The following FOXP2 variants were observed in gnomAD, a reference collection of about 807,000 sequenced individuals.
FOXP2 encodes forkhead box protein P2.
FOXP2 carries 12 observed loss-of-function variants against 115.8 expected under a neutral mutation model. The observed-to-expected ratio is 0.10, with a 90% CI of 0.07 to 0.17. FOXP2 has a LOEUF of 0.17. Among genes scored for constraint, FOXP2 ranks in the 10% least tolerant of loss-of-function variants. The pLI is 1.00. For missense variants in FOXP2, 629 were observed against 843.5 expected (o/e 0.75, Z 3.15); for synonymous variants, 328 against 297.7 (o/e 1.10, Z -1.05).
chr7:114,357,119 A>T (rs1791636041), intron 2 of FOXP2, among the ~76,000 whole-genome samples: 1 of 152,050 alleles, frequency 6.6e-6, no homozygotes, highest in South Asian at 2.1e-4. Context: ...TGCCATCAGA[A>T]TTTTTCCTGG....
chr7:114,203,493 C>T (rs1794125073), intron 1 of FOXP2, among the ~76,000 whole-genome samples: 1 of 151,976 alleles, frequency 6.6e-6, no homozygotes, highest in Non-Finnish European at 1.5e-5. Context: ...CCACCAGGCC[C>T]AGCTAATTTT....
At chr7:114,105,028 T>A (rs1317858494) in intron 1 of FOXP2, among the ~76,000 whole-genome samples, 3 of 151,994 alleles carry the variant, frequency 2.0e-5, no homozygotes, top group Admixed American at 2.0e-4. Flanking sequence ...ATTACTAATC[T>A]AAAAGAAATC....
intron 2 of FOXP2, among the ~76,000 whole-genome samples, chr7:114,534,130 G>C (rs1364934198): frequency 1.3e-5 from 2 of 151,866 alleles, no homozygotes; most frequent in African/African-American, 4.8e-5. Flanking sequence ...TACAAAAAAA[G>C]TGTTTTTAAT....
At chr7:114,169,737 C>CG (rs1562990091) in intron 1 of FOXP2, among the ~76,000 whole-genome samples, 3 of 152,008 alleles carry the variant, frequency 2.0e-5, no homozygotes, top group Non-Finnish European at 4.4e-5. Flanking sequence ...TGTCCTCACC[C>CG]AATCTTACCT....
chr7:114,196,957 C>T (rs1248564013), intron 1 of FOXP2, among the ~76,000 whole-genome samples: 1 of 152,020 alleles, frequency 6.6e-6, no homozygotes, highest in Non-Finnish European at 1.5e-5. Flanking sequence ...TTTGAGAGGC[C>T]GAGGTGGAAG....
intron 1 of FOXP2, among the ~76,000 whole-genome samples, chr7:114,125,243 G>A (rs768446626): frequency 6.6e-6 from 1 of 152,144 alleles, no homozygotes; most frequent in Non-Finnish European, 1.5e-5. Context: ...GTGGATGAAT[G>A]AATGAATGAC....
At chr7:114,129,321 T>C (rs1479603229) in intron 1 of FOXP2, among the ~76,000 whole-genome samples, 1 of 152,196 alleles carries the variant, frequency 6.6e-6, no homozygotes, top group Non-Finnish European at 1.5e-5. Flanking sequence ...CTTGCATGTT[T>C]GTCTTGCCAT....
At chr7:114,095,371 A>G (rs1162717904) in intron 1 of FOXP2, among the ~76,000 whole-genome samples, 1 of 152,218 alleles carries the variant, frequency 6.6e-6, no homozygotes, top group Non-Finnish European at 1.5e-5. Context: ...GATATTTCCT[A>G]AAATAAAAAC....
At chr7:114,169,311 C>A (rs1205257919) in intron 1 of FOXP2, among the ~76,000 whole-genome samples, 1 of 152,212 alleles carries the variant, frequency 6.6e-6, no homozygotes, top group African/African-American at 2.4e-5. Flanking sequence ...GCCACAGGGG[C>A]AGAGCTGCCC....
chr7:114,247,913 G>A (rs764865418), intron 1 of FOXP2, among the ~76,000 whole-genome samples: 5 of 151,978 alleles, frequency 3.3e-5, no homozygotes, highest in Non-Finnish European at 4.4e-5. Flanking sequence ...ACGTGCATGC[G>A]GATGTGCAGA....
intron 1 of FOXP2, among the ~76,000 whole-genome samples, chr7:114,251,208 T>A (rs1202095682): frequency 2.0e-5 from 3 of 152,200 alleles, no homozygotes; most frequent in African/African-American, 7.2e-5. Context: ...AGCCTTGTAG[T>A]ATAGTTTGAA....
At chr7:114,608,095 G>A (rs922581442) in intron 3 of FOXP2, among the ~76,000 whole-genome samples, 1 of 152,214 alleles carries the variant, frequency 6.6e-6, no homozygotes, top group African/African-American at 2.4e-5. Flanking sequence ...GAAGGAACAA[G>A]TCTCTGAACT....
intron 3 of FOXP2, among the ~76,000 whole-genome samples, chr7:114,601,781 T>C (rs1803040505): frequency 6.6e-6 from 1 of 152,148 alleles, no homozygotes; most frequent in South Asian, 2.1e-4. Flanking sequence ...TTTTAAGATC[T>C]CTTAAGTTAT....
intron 1 of FOXP2, among the ~76,000 whole-genome samples, chr7:114,115,570 T>C (rs1322662927): frequency 6.6e-6 from 1 of 152,138 alleles, no homozygotes; most frequent in Admixed American, 6.6e-5. Flanking sequence ...TGGAGCTTTT[T>C]CTTTGCCAGG....
At chr7:114,372,941 A>C (rs1041678398) in intron 2 of FOXP2, among the ~76,000 whole-genome samples, 5 of 152,152 alleles carry the variant, frequency 3.3e-5, no homozygotes, top group African/African-American at 1.2e-4. Context: ...ATTGTCATTT[A>C]AGGATTTATC....
intron 2 of FOXP2, among the ~76,000 whole-genome samples, chr7:114,360,813 A>G (rs763656485): frequency 2.6e-5 from 4 of 152,226 alleles, no homozygotes; most frequent in African/African-American, 7.2e-5. Flanking sequence ...TCAGCTTTCA[A>G]TTATCCAAAC....
chr7:114,110,500 G>GT (rs990610389), intron 1 of FOXP2, among the ~76,000 whole-genome samples: 63 of 151,894 alleles, frequency 4.1e-4, no homozygotes, highest in African/African-American at 1.4e-3. Flanking sequence ...CCTTTTCTAT[G>GT]TTTTTTTGCC....
intron 1 of FOXP2, among the ~76,000 whole-genome samples, chr7:114,212,124 T>TAAAAA (rs1554431719): frequency 7.0e-6 from 1 of 143,086 alleles, no homozygotes; most frequent in Non-Finnish European, 1.5e-5. Context: ...TAAAATAAAA[T>TAAAAA]ATATATATAT....
At chr7:114,356,708 C>A (rs778637309) in intron 2 of FOXP2, among the ~76,000 whole-genome samples, 23 of 152,136 alleles carry the variant, frequency 1.5e-4, no homozygotes, top group Non-Finnish European at 2.6e-4. Context: ...TAAACTACTA[C>A]AACAGAGGCA....
Sources: gnomAD v4.1 joint callset for allele counts (sites outside exome capture counted in the v4.1 genomes callset) on GRCh38, gnomAD v4.1.1 for gene constraint, MANE v1.5 for transcripts, NCBI Gene and HGNC (gene_info 2026-07-23, HGNC 2026-07-21) for gene names.